The following UGDH variants were observed in gnomAD, a reference collection of about 807,000 sequenced individuals.
UGDH encodes UDP-Glc dehydrogenase.
In UGDH, 38 loss-of-function variants were observed where a neutral mutation model predicts 50.6. That is an observed-to-expected ratio of 0.75 (90% CI 0.58 to 0.98). The LOEUF is 0.98. UGDH is among the 50% of genes least tolerant of loss of function. UGDH has a pLI of 0.00. For missense variants in UGDH, 465 were observed against 606.2 expected (o/e 0.77, Z 2.45); for synonymous variants, 168 against 199.9 (o/e 0.84, Z 1.35).
chr4:39,503,917 G>C lies in UGDH; in HGVS notation c.1332C>G (p.Val444=). The C allele has an allele frequency of 6.2e-7, 1 of 1,614,158 alleles. No homozygotes were observed. The highest frequency in any genetic ancestry group is 8.5e-7 in the Non-Finnish European group (1 of 1,180,026). Residue 444 remains valine, a synonymous_variant, in exon 11 of 12, where the codon GTC becomes GTG. Transcript: ENST00000316423. The part of the protein sequence containing the change: ...KPAFIFDGRR[V]LDGLHNELQT... The stretch of plus-strand genomic sequence containing the variant: ...GTAGTTCATTGTGGAGCCCATCCAG[G>C]ACACGCCGTCCATCGAAGATAAAGG...
chr4:39,500,246 G>A lies in UGDH; in HGVS notation c.1382C>T (p.Thr461Ile), dbSNP rs749809838. 2.2e-5 allele frequency: 35 copies of A among 1,566,028 alleles called. No homozygotes were observed. The highest frequency in any genetic ancestry group is 3.0e-5 in the Non-Finnish European group (35 of 1,153,758). Residue 461 changes from threonine to isoleucine, a missense_variant, in exon 12 of 12, where the codon ACA becomes ATA. Transcript: ENST00000316423. ...CTTTGAAGACACCTTTTTGCCAATT[G>A]TTTCAATCTGAAAAAAAAATAAAAT... ...ELQTIGFQIE[T>I]IGKKVSSKRI...
chr4:39,509,831 T>A lies in UGDH; in HGVS notation c.740A>T (p.Asp247Val), dbSNP rs139554286. The change falls in exon 6 of 12, where the codon GAT becomes GTT. Residue 247 changes from aspartate (D) to valine (V), a missense_variant. Transcript: ENST00000316423. The stretch of plus-strand genomic sequence containing the variant: ...AATCGCTGTTGCTACCTCTTCTACA[T>A]CAGCTCCTGTTGCTTCACACAGAGC... ...ISALCEATGA[D>V]VEEVATAIGM... 1 of 1,613,416 alleles carries A rather than the reference T, an allele frequency of 6.2e-7. No individual in the cohort carries two copies. The highest frequency in any genetic ancestry group is 1.3e-5 in the African/African-American group (1 of 74,930).
At chr4:39,518,652 G>T (rs545396221) in intron 2 of UGDH, among the ~76,000 whole-genome samples, 8 of 151,408 alleles carry the variant, frequency 5.3e-5, no homozygotes, top group Non-Finnish European at 8.8e-5. Flanking sequence ...AGGAACAGGG[G>T]TCTTGCAATG....
intron 1 of UGDH, among the ~76,000 whole-genome samples, chr4:39,523,218 A>T (rs1199122030): frequency 1.3e-5 from 2 of 151,904 alleles, no homozygotes; most frequent in East Asian, 3.9e-4. Flanking sequence ...CACCAGGTTA[A>T]TTTTTGTATT....
rs1184813758 is a variant in UGDH at position 39,527,323 on chromosome 4, A to C, written c.-48T>G. ...AAGCGCAGGGACCGCTCCTATCCCG[A>C]TCGTTCGGACAGCACCTTCCTACGG... On this transcript the variant is annotated 5_prime_UTR_variant, in exon 1 of 12. Transcript: ENST00000316423. 1 of 283,772 alleles carries C rather than the reference A, an allele frequency of 3.5e-6. No homozygotes were observed. Among genetic ancestry groups the C allele is most frequent in the South Asian group, 3.0e-5 (1 of 33,490 alleles). The allele number at this position is 283,772 out of a possible 1,614,324, so 17.6% of individuals were successfully genotyped here.
chr4:39,501,513 T>A (rs1464526996), intron 11 of UGDH, among the ~76,000 whole-genome samples: 1 of 151,832 alleles, frequency 6.6e-6, no homozygotes, highest in East Asian at 1.9e-4. Flanking sequence ...GACCTCATGA[T>A]CCGCCCGCCT....
At chr4:39,510,571 A>G (rs1300818143) in intron 4 of UGDH, 21 bp from the exon 5 acceptor site, 10 of 1,614,120 alleles carry the variant, frequency 6.2e-6, no homozygotes, top group Admixed American at 3.3e-5. Context: ...AATGCAAAGG[A>G]AAGTTTTAAG....
intron 7 of UGDH, among the ~76,000 whole-genome samples, chr4:39,507,942 CAAAAA>C (rs34122254): frequency 6.5e-5 from 5 of 76,568 alleles, no homozygotes; most frequent in African/African-American, 1.5e-4. Context: ...GATCTTGTCT[CAAAAA>C]AAAAAAAAAA....
intron 1 of UGDH, among the ~76,000 whole-genome samples, chr4:39,522,512 T>C (rs1182381855): frequency 6.6e-6 from 1 of 152,214 alleles, no homozygotes; most frequent in Non-Finnish European, 1.5e-5. Context: ...AAGAAGAATA[T>C]CCCTATTATG....
At chr4:39,520,454 G>T (rs1024905059) in intron 2 of UGDH, among the ~76,000 whole-genome samples, 11 of 151,980 alleles carry the variant, frequency 7.2e-5, no homozygotes, top group Non-Finnish European at 1.5e-4. Context: ...AGTTTCAAAA[G>T]CATAATATGA....
rs1578274431 is a variant in UGDH, at chr4:39,514,316, A to T, written c.163-132T>A. On this transcript the variant is annotated intron_variant, in intron 2 of 11. Coordinates refer to ENST00000316423, the MANE Select transcript of UGDH (RefSeq NM_003359.4). Reference sequence around the variant, plus strand: ...TAAAGGTCTAGGTTGTGCTCAAATTACCTTTGTAGACAAGTTAAGGATCAT... The same window carrying T: ...TAAAGGTCTAGGTTGTGCTCAAATTTCCTTTGTAGACAAGTTAAGGATCAT... The T allele has an allele frequency of 6.9e-6, 5 of 721,342 alleles. No individual in the cohort carries two copies. In the East Asian group the frequency reaches 1.4e-4, roughly 21 times the overall value. The allele number at this position is 721,342 out of a possible 1,614,324, so 44.7% of individuals were successfully genotyped here.
At position 39,508,498 on chromosome 4, in the gene UGDH, T is replaced by C. The variant is rs891476006; in HGVS notation, c.906+68A>G. On this transcript the variant is annotated intron_variant, in intron 7 of 11. Transcript: ENST00000316423. ...ATGCTCTTGCCTTGGCTTCCTAAAG[T>C]GCTGCGATTACAGGTGTGAACCACT... 2.8e-5 allele frequency: 41 copies of C among 1,476,496 alleles called. 2 individuals are homozygous for C. In the South Asian group the frequency reaches 4.5e-4, roughly 16 times the overall value. The allele number at this position is 1,476,496 out of a possible 1,614,324, so 91.5% of individuals were successfully genotyped here.
intron 2 of UGDH, among the ~76,000 whole-genome samples, chr4:39,517,931 T>A (rs962852197): frequency 6.6e-6 from 1 of 152,154 alleles, no homozygotes; most frequent in African/African-American, 2.4e-5. Context: ...TCTTTTTGTT[T>A]GTTTGTTTGT....
At chr4:39,527,120 C>G in intron 1 of UGDH, 163 bp downstream of exon 1, 3 of 1,289,118 alleles carry the variant, frequency 2.3e-6, no homozygotes, top group Non-Finnish European at 3.0e-6. Flanking sequence ...GGTTCCCGCC[C>G]TAAGCCCCAA....
chr4:39,505,022 G>A (rs1313643510), intron 9 of UGDH, among the ~76,000 whole-genome samples: 1 of 152,128 alleles, frequency 6.6e-6, no homozygotes, highest in East Asian at 1.9e-4. Flanking sequence ...GGGGATTTGT[G>A]GAGTATGTTG....
At chr4:39,513,098 A>G (rs1187694902) in intron 3 of UGDH, among the ~76,000 whole-genome samples, 2 of 152,126 alleles carry the variant, frequency 1.3e-5, no homozygotes, top group East Asian at 3.9e-4. Flanking sequence ...ATGAGCCATC[A>G]TGCCCAGCTC....
chr4:39,514,837 C>G (rs1434351000), intron 2 of UGDH, among the ~76,000 whole-genome samples: 1 of 151,972 alleles, frequency 6.6e-6, no homozygotes. Flanking sequence ...CATGCACCAC[C>G]ACACTGGGCT....
chr4:39,500,294 T>C (rs1455125310), intron 11 of UGDH, 41 bp from the exon 12 acceptor site: 2 of 1,297,952 alleles, frequency 1.5e-6, no homozygotes, highest in African/African-American at 1.5e-5. Context: ...TTAACAATTA[T>C]ATAAGTGTAA....
At chr4:39,508,109 A>T (rs1210050499) in intron 7 of UGDH, among the ~76,000 whole-genome samples, 2 of 152,220 alleles carry the variant, frequency 1.3e-5, no homozygotes, top group Non-Finnish European at 2.9e-5. Flanking sequence ...ACATAAAATA[A>T]GCAAATTGAA....
Sources: gnomAD v4.1 joint callset for allele counts (sites outside exome capture counted in the v4.1 genomes callset) on GRCh38, gnomAD v4.1.1 for gene constraint, MANE v1.5 for transcripts, NCBI Gene and HGNC (gene_info 2026-07-23, HGNC 2026-07-21) for gene names.